GNAI1: variants seen among roughly 807,000 people sequenced by gnomAD.
GNAI1 encodes the protein guanine nucleotide-binding protein G(i) subunit alpha-1.
A neutral mutation model predicts 38.9 loss-of-function variants in GNAI1; 11 were observed. The observed-to-expected ratio is 0.28, with a 90% CI of 0.18 to 0.47. GNAI1 has a LOEUF of 0.47. Among genes scored for constraint, GNAI1 ranks in the 20% least tolerant of loss-of-function variants. The probability of loss-of-function intolerance (pLI) is 0.99; values close to 1 mark genes in which losing one functional copy is unlikely to be tolerated. For synonymous variants in GNAI1, 166 were observed against 145.1 expected, an observed-to-expected ratio of 1.14 and a Z score of -1.04; for missense variants, 317 against 436.9, an observed-to-expected ratio of 0.73 and a Z score of 2.45.
Position 80,222,312 on chromosome 7 carries a change from G to A in GNAI1, c.*4819G>A, listed in dbSNP as rs78695405. Among the ~76,000 whole-genome samples the A allele has an allele frequency of 2.7e-3, 414 of 151,186 alleles. 9 individuals carry two copies. The highest frequency in any genetic ancestry group is 6.2e-3 in the East Asian group (32 of 5,140). On this transcript the variant is annotated 3_prime_UTR_variant, in exon 8 of 8. Coordinates refer to ENST00000649796, the MANE Select transcript of GNAI1 (RefSeq NM_002069.6). ...TCCAGCTTCTTTGATTTTACTGCCC[G>A]TCTTCCTAGGTCTCCATCCGTAAAG...
intron 1 of GNAI1, among the ~76,000 whole-genome samples, chr7:80,186,006 A>C: frequency 6.7e-6 from 1 of 149,690 alleles, no homozygotes. Context: ...CCAGTTAATA[A>C]GACTGCCATC....
chr7:80,144,519 T>G (rs1318817271), intron 1 of GNAI1, among the ~76,000 whole-genome samples: 1 of 152,186 alleles, frequency 6.6e-6, no homozygotes, highest in African/African-American at 2.4e-5. Flanking sequence ...AATTGTAAAA[T>G]GAGTTCCTTA....
At chr7:80,184,749 C>T (rs1196460384) in intron 1 of GNAI1, among the ~76,000 whole-genome samples, 1 of 152,160 alleles carries the variant, frequency 6.6e-6, no homozygotes, top group African/African-American at 2.4e-5. Flanking sequence ...CATTCCTGGT[C>T]AGGTGGAACC....
At chr7:80,184,357 G>C (rs544833247) in intron 1 of GNAI1, among the ~76,000 whole-genome samples, 3 of 152,256 alleles carry the variant, frequency 2.0e-5, no homozygotes, top group African/African-American at 7.2e-5. Context: ...TACGTCCAGG[G>C]TCTTGTGTCC....
chr7:80,217,586 T>C lies in GNAI1; in HGVS notation c.*93T>C. The C allele has an allele frequency of 1.5e-6, 1 of 664,264 alleles. No homozygotes were observed. Among genetic ancestry groups the C allele is most frequent in the Middle Eastern group, 2.7e-4 (1 of 3,692 alleles). The allele number at this position is 664,264 out of a possible 1,614,324, so 41.1% of individuals were successfully genotyped here. ...TAGAGTCTTGCAGCAACACAGAATG[T>C]AATATAAGGCAAATGCATCTGGGAC... On this transcript the variant is annotated 3_prime_UTR_variant, in exon 8 of 8. Transcript: ENST00000649796.
rs1201976101 is a variant in GNAI1, at chr7:80,221,277, T to A, written c.*3784T>A. On this transcript the variant is annotated 3_prime_UTR_variant, in exon 8 of 8. Transcript: ENST00000649796. ...AATAAGGATTAAATAATCCATTAATTTTAATGGTTGTTGTCAGCATTAAAT... is the reference window on the plus strand; with the variant it reads ...AATAAGGATTAAATAATCCATTAATATTAATGGTTGTTGTCAGCATTAAAT... Among the ~76,000 whole-genome samples the A allele has an allele frequency of 5.9e-5, 9 of 152,230 alleles. No homozygotes were observed. Among genetic ancestry groups the A allele is most frequent in the Non-Finnish European group, 1.3e-4 (9 of 68,036 alleles).
In GNAI1 at chr7:80,218,609, T is replaced by G. The variant is rs557093232; in HGVS notation, c.*1116T>G. The stretch of plus-strand genomic sequence containing the variant: ...GCTGATATAATGCAAGATTTAAATT[T>G]ATACATATAACTAATTTCAAATGTA... On this transcript the variant is annotated 3_prime_UTR_variant, in exon 8 of 8. Coordinates refer to ENST00000649796, the MANE Select transcript of GNAI1 (RefSeq NM_002069.6). The G allele has an allele frequency of 6.6e-6, 1 of 152,294 alleles. No homozygotes were observed. Among genetic ancestry groups the G allele is most frequent in the African/African-American group, 2.4e-5 (1 of 41,578 alleles). 9.4% of individuals were successfully genotyped at this position (152,294 alleles called of 1,614,324 possible).
chr7:80,147,371 T>C (rs1203599924), intron 1 of GNAI1, among the ~76,000 whole-genome samples: 1 of 118,226 alleles, frequency 8.5e-6, no homozygotes, highest in Non-Finnish European at 1.9e-5. Flanking sequence ...TTGGTATCCT[T>C]ATTAAAAAAA....
intron 1 of GNAI1, among the ~76,000 whole-genome samples, chr7:80,153,994 C>T (rs762886641): frequency 9.9e-5 from 15 of 152,130 alleles, no homozygotes; most frequent in Admixed American, 2.0e-4. Flanking sequence ...ATGATCTCGG[C>T]TCACTGCAGC....
intron 4 of GNAI1, among the ~76,000 whole-genome samples, chr7:80,202,426 CAAAG>C (rs1470967167): frequency 3.3e-5 from 5 of 152,066 alleles, no homozygotes; most frequent in Admixed American, 6.6e-5. Flanking sequence ...TGTGAGTAAT[CAAAG>C]AACATTTTAA....
At chr7:80,175,632 T>C (rs1052019250) in intron 1 of GNAI1, among the ~76,000 whole-genome samples, 1 of 151,550 alleles carries the variant, frequency 6.6e-6, no homozygotes, top group Non-Finnish European at 1.5e-5. Context: ...ATTTTTCTAA[T>C]ATGTGTGCTC....
intron 1 of GNAI1, among the ~76,000 whole-genome samples, chr7:80,165,130 G>T (rs570046120): frequency 6.6e-6 from 1 of 152,178 alleles, no homozygotes; most frequent in African/African-American, 2.4e-5. Context: ...ATTAATAGGA[G>T]TTTTATGATT....
chr7:80,205,418 A>G (rs1200537024), intron 5 of GNAI1, among the ~76,000 whole-genome samples: 2 of 152,140 alleles, frequency 1.3e-5, no homozygotes, highest in African/African-American at 2.4e-5. Context: ...GCAGAGCTTT[A>G]TAGATACGTT....
At chr7:80,196,532 A>G (rs1788577724) in intron 3 of GNAI1, among the ~76,000 whole-genome samples, 1 of 151,994 alleles carries the variant, frequency 6.6e-6, no homozygotes, top group East Asian at 1.9e-4. Flanking sequence ...CGTTGTCATC[A>G]TTCTGTGCTT....
At chr7:80,195,594 T>C (rs766481631) in intron 3 of GNAI1, among the ~76,000 whole-genome samples, 1 of 151,912 alleles carries the variant, frequency 6.6e-6, no homozygotes, top group Non-Finnish European at 1.5e-5. Flanking sequence ...AAAAAACACA[T>C]GATTATCTCA....
chr7:80,198,218 ACAC>A (rs1282302569), intron 3 of GNAI1, among the ~76,000 whole-genome samples: 3 of 152,028 alleles, frequency 2.0e-5, no homozygotes, highest in African/African-American at 4.8e-5. Context: ...CATAAAATAC[ACAC>A]CAGATGTTGT....
intron 1 of GNAI1, among the ~76,000 whole-genome samples, chr7:80,169,959 A>G (rs916183298): frequency 6.6e-6 from 1 of 152,174 alleles, no homozygotes; most frequent in Non-Finnish European, 1.5e-5. Flanking sequence ...ACTGAGCATA[A>G]TAATGTTCAT....
chr7:80,226,126 CTTAA>C lies in GNAI1; in HGVS notation c.*8636_*8639del, dbSNP rs1584065633. 2.6e-5 allele frequency among the ~76,000 whole-genome samples: 4 copies of C among 152,056 alleles called. No individual in the cohort carries two copies. The highest frequency in any genetic ancestry group is 4.2e-4 in the South Asian group (2 of 4,816). ...AAAAAAAGACTAGATTTTATATCAACTTAATTGTCTTTTGGTTTAAAATTATGTA... is the reference window on the plus strand; with the variant it reads ...AAAAAAAGACTAGATTTTATATCAACTTGTCTTTTGGTTTAAAATTATGTA... On this transcript the variant is annotated 3_prime_UTR_variant, in exon 8 of 8. Transcript: ENST00000649796.
rs962124037 is a variant in GNAI1 at position 80,219,704 on chromosome 7, T to C, written c.*2211T>C. Among the ~76,000 whole-genome samples, 3 of 152,162 alleles carry C rather than the reference T, an allele frequency of 2.0e-5. No homozygotes were observed. The highest frequency in any genetic ancestry group is 7.2e-5 in the African/African-American group (3 of 41,430). ...TTTCCTTACTAAGTACCATCATCAT[T>C]TATTCCTTCAATGGGGAACTTTTTA... On this transcript the variant is annotated 3_prime_UTR_variant, in exon 8 of 8. Coordinates refer to ENST00000649796, the MANE Select transcript of GNAI1 (RefSeq NM_002069.6).
Sources: gnomAD v4.1 joint callset for allele counts (sites outside exome capture counted in the v4.1 genomes callset) on GRCh38, gnomAD v4.1.1 for gene constraint, MANE v1.5 for transcripts, NCBI Gene and HGNC (gene_info 2026-07-23, HGNC 2026-07-21) for gene names.